The following BRDT variants were observed in gnomAD, a reference collection of about 807,000 sequenced individuals.
The protein encoded by BRDT is bromodomain testis associated.
BRDT carries 77 observed loss-of-function variants against 113.9 expected under a neutral mutation model. That is an observed-to-expected ratio of 0.68 (90% CI 0.56 to 0.82). The LOEUF is 0.82. Ranked by LOEUF, BRDT falls within the 40% of genes least tolerant of loss-of-function variation. The pLI is 0.00. For missense variants in BRDT, 1,027 were observed against 1,105.4 expected (o/e 0.93, Z 1.01); for synonymous variants, 358 against 366.5 (o/e 0.98, Z 0.26).
At chr1:91,979,318 G>T (rs1412533705) in intron 7 of BRDT, among the ~76,000 whole-genome samples, 1 of 151,832 alleles carries the variant, frequency 6.6e-6, no homozygotes, top group African/African-American at 2.4e-5. Flanking sequence ...TCTCCATGTT[G>T]GTCAGGCTGG....
At chr1:91,961,872 G>T (rs1393266575) in intron 1 of BRDT, among the ~76,000 whole-genome samples, 1 of 151,916 alleles carries the variant, frequency 6.6e-6, no homozygotes, top group Non-Finnish European at 1.5e-5. Flanking sequence ...AAACAGCCAA[G>T]GTTGGCCGGG....
At chr1:92,010,752 T>G (rs989304175) in intron 18 of BRDT, among the ~76,000 whole-genome samples, 4 of 149,344 alleles carry the variant, frequency 2.7e-5, no homozygotes, top group Non-Finnish European at 5.9e-5. Flanking sequence ...ATGTGTGTGG[T>G]TTTTTTTATC....
At chr1:92,007,675 T>C (rs1396895451) in intron 18 of BRDT, among the ~76,000 whole-genome samples, 2 of 152,226 alleles carry the variant, frequency 1.3e-5, no homozygotes, top group African/African-American at 4.8e-5. Context: ...GTTTACAATA[T>C]ACAGCTTTAA....
chr1:91,963,714 C>G (rs1682751069), intron 2 of BRDT, among the ~76,000 whole-genome samples: 1 of 150,222 alleles, frequency 6.7e-6, no homozygotes. Flanking sequence ...AAACAAGGTT[C>G]TTTTTCCTCA....
intron 1 of BRDT, among the ~76,000 whole-genome samples, chr1:91,954,454 A>AT (rs1160371649): frequency 6.6e-6 from 1 of 151,242 alleles, no homozygotes; most frequent in Non-Finnish European, 1.5e-5. Flanking sequence ...TATTTTTTGT[A>AT]TTTTGTGTAG....
In BRDT at chr1:91,980,667, C is replaced by T; in HGVS notation, c.1312C>T (p.Gln438Ter). 6.3e-7 allele frequency: 1 copy of T among 1,585,326 alleles called. No individual in the cohort carries two copies. The highest frequency in any genetic ancestry group is 8.5e-7 in the Non-Finnish European group (1 of 1,173,108). The change falls in exon 9 of 19, where the codon CAG (glutamine) becomes TAG (stop). Residue 438 changes from glutamine to a stop codon, truncating the protein, a stop_gained. Coordinates refer to ENST00000399546, the MANE Select transcript of BRDT (RefSeq NM_207189.4). LOFTEE classifies it high-confidence loss of function. ...GCTTAAAGCTGTACATCAACAGCTC[C>T]AGGTTTTGTCCCAAGTACCTTTCCG... ...EQLKAVHQQL[Q>*]VLSQVPFRKL...
intron 1 of BRDT, among the ~76,000 whole-genome samples, chr1:91,959,158 T>C (rs1042619876): frequency 1.3e-5 from 2 of 152,150 alleles, no homozygotes; most frequent in Admixed American, 6.6e-5. Flanking sequence ...GCCTGGGCGA[T>C]GGAGTGAGAT....
In BRDT at chr1:91,979,599, C is replaced by T. The variant is rs768843708; in HGVS notation, c.1129C>T (p.Pro377Ser). ...DVFETHFSKIPIEPVESMPLC... is the reference protein window; with the variant it reads ...DVFETHFSKISIEPVESMPLC... The stretch of plus-strand genomic sequence containing the variant: ...TTTCGAAACGCATTTTTCAAAGATC[C>T]CGATTGAACCTGTTGAGAGTATGCC... Residue 377 changes from proline to serine, a missense_variant, in exon 8 of 19, where the codon CCG becomes TCG. Physicochemically the swap from Pro to Ser is moderately conservative, Grantham distance 74. Coordinates refer to ENST00000399546, the MANE Select transcript of BRDT (RefSeq NM_207189.4). 2 of 1,607,918 alleles carry T rather than the reference C, an allele frequency of 1.2e-6. No homozygotes were observed. The highest frequency in any genetic ancestry group is 1.3e-5 in the African/African-American group (1 of 74,536).
At chr1:91,964,801 C>G in intron 3 of BRDT, 37 bp downstream of exon 3, 2 of 1,319,334 alleles carry the variant, frequency 1.5e-6, no homozygotes, top group Non-Finnish European at 2.0e-6. Context: ...TAATTCTTTG[C>G]CATTACATAT....
chr1:91,967,404 T>C (rs978064342), intron 3 of BRDT, among the ~76,000 whole-genome samples: 2 of 144,814 alleles, frequency 1.4e-5, no homozygotes, highest in African/African-American at 5.1e-5. Flanking sequence ...CCTGGCTAAT[T>C]TTTTTTTTTT....
intron 1 of BRDT, among the ~76,000 whole-genome samples, chr1:91,954,915 C>A (rs1487339706): frequency 6.6e-6 from 1 of 152,092 alleles, no homozygotes; most frequent in African/African-American, 2.4e-5. Flanking sequence ...GAGCAGTGAT[C>A]ATGCCACTGC....
intron 12 of BRDT, among the ~76,000 whole-genome samples, chr1:91,987,133 T>C (rs977941303): frequency 6.6e-6 from 1 of 152,094 alleles, no homozygotes; most frequent in African/African-American, 2.4e-5. Flanking sequence ...TTGGCCAGGC[T>C]GGTCTTGAAC....
intron 18 of BRDT, among the ~76,000 whole-genome samples, chr1:92,010,331 G>T (rs745593879): frequency 1.0e-4 from 14 of 136,880 alleles, no homozygotes; most frequent in Non-Finnish European, 2.1e-4. Flanking sequence ...CAGTGCAGTG[G>T]CGTGATCTCG....
At chr1:91,998,916 G>C (rs1686591366) in intron 15 of BRDT, among the ~76,000 whole-genome samples, 1 of 152,174 alleles carries the variant, frequency 6.6e-6, no homozygotes, top group African/African-American at 2.4e-5. Context: ...AAATTACAAA[G>C]GTAGACCAGG....
In BRDT at chr1:91,981,741, G is replaced by C; in HGVS notation, c.1988G>C (p.Ser663Thr). The change falls in exon 12 of 19, where the codon AGT (serine) becomes ACT (threonine). Residue 663 changes from serine to threonine, a missense_variant. Physicochemically the swap from Ser to Thr is moderately conservative, Grantham distance 58. Coordinates refer to ENST00000399546, the MANE Select transcript of BRDT (RefSeq NM_207189.4). ...SSSDLSSSDS[S>T]DSESEMFPKF... ...AGTGACTTAAGCTCTTCAGACAGCA[G>C]TGATTCTGAATCAGGTTAGCTGTCC... 1 of 1,613,804 alleles carries C rather than the reference G, an allele frequency of 6.2e-7. No individual in the cohort carries two copies. The highest frequency in any genetic ancestry group is 8.5e-7 in the Non-Finnish European group (1 of 1,179,852).
chr1:91,991,335 T>A, intron 13 of BRDT, 90 bp downstream of exon 13: 2 of 621,296 alleles, frequency 3.2e-6, no homozygotes, highest in Non-Finnish European at 5.0e-6. Flanking sequence ...GTTTTCAATT[T>A]TATTTACACG....
chr1:92,006,749 G>A (rs1324369699), intron 18 of BRDT, among the ~76,000 whole-genome samples: 2 of 151,752 alleles, frequency 1.3e-5, no homozygotes, highest in South Asian at 2.1e-4. Flanking sequence ...TTACAGATGT[G>A]AGCCACCATG....
intron 4 of BRDT, among the ~76,000 whole-genome samples, chr1:91,970,013 A>G (rs756368477): frequency 2.6e-5 from 4 of 151,682 alleles, no homozygotes; most frequent in Non-Finnish European, 5.9e-5. Flanking sequence ...ATTTTTTAGT[A>G]GAGATGGGGT....
chr1:91,973,699 A>C (rs1683844070), intron 4 of BRDT, among the ~76,000 whole-genome samples: 4 of 152,164 alleles, frequency 2.6e-5, no homozygotes, highest in African/African-American at 9.7e-5. Context: ...GGGGTTTTCT[A>C]GATATATAAT....
Sources: allele counts gnomAD v4.1 joint callset (sites outside exome capture counted in the v4.1 genomes callset), GRCh38; gene constraint gnomAD v4.1.1; transcripts MANE v1.5; gene names NCBI Gene and HGNC (gene_info 2026-07-23, HGNC 2026-07-21).